IPO7: variants seen among roughly 807,000 people sequenced by gnomAD.
The protein encoded by IPO7 is importin 7.
A neutral mutation model predicts 136.4 loss-of-function variants in IPO7; 13 were observed. The observed-to-expected ratio is 0.10, with a 90% CI of 0.06 to 0.15. The LOEUF is 0.15. Among genes scored for constraint, IPO7 ranks in the 10% least tolerant of loss-of-function variants. The probability of loss-of-function intolerance (pLI) is 1.00; values close to 1 mark genes in which losing one functional copy is unlikely to be tolerated. For missense variants in IPO7, 857 were observed against 1,240.6 expected (o/e 0.69, Z 4.65); for synonymous variants, 403 against 404.4 (o/e 1.00, Z 0.04).
chr11:9,428,667 TTGTAA>T (rs1470789153), intron 13 of IPO7, 38 bp downstream of exon 13: 4 of 1,062,700 alleles, frequency 3.8e-6, no homozygotes, highest in Non-Finnish European at 5.8e-6. Context: ...TACTTTTGTC[TTGTAA>T]TGAATGACTC....
At chr11:9,426,648 A>G (rs1424633291) in intron 12 of IPO7, among the ~76,000 whole-genome samples, 2 of 152,150 alleles carry the variant, frequency 1.3e-5, no homozygotes, top group African/African-American at 4.8e-5. Context: ...GTGAAGCATT[A>G]TGTCTTTGTG....
In IPO7 at chr11:9,438,074, TTTTAG is replaced by T; in HGVS notation, c.2490-5_2490-1del. On this transcript the variant is annotated splice_acceptor_variant and splice_polypyrimidine_tract_variant and intron_variant, in intron 21 of 24. Transcript: ENST00000379719. LOFTEE classifies it high-confidence loss of function. ...TTTTTTTTTTTTTTTTTTTTTTTTT[TTTTAG>T]GCTTCATGACAGAAAGATGTGTGTT... 1.5e-6 allele frequency: 2 copies of T among 1,297,400 alleles called. No homozygotes were observed. The highest frequency in any genetic ancestry group is 2.1e-6 in the Non-Finnish European group (2 of 942,148). The allele number at this position is 1,297,400 out of a possible 1,614,324, so 80.4% of individuals were successfully genotyped here.
chr11:9,419,784 C>G (rs1855101473), intron 6 of IPO7, among the ~76,000 whole-genome samples: 1 of 151,746 alleles, frequency 6.6e-6, no homozygotes, highest in African/African-American at 2.4e-5. Flanking sequence ...ACTTATATAT[C>G]TGAAACTAGA....
At chr11:9,441,877 G>A (rs183785891) in intron 23 of IPO7, among the ~76,000 whole-genome samples, 2 of 152,238 alleles carry the variant, frequency 1.3e-5, no homozygotes, top group African/African-American at 4.8e-5. Flanking sequence ...AGAGTTTTTG[G>A]AGCCATAAAG....
chr11:9,407,293 C>T (rs554129823), intron 2 of IPO7, among the ~76,000 whole-genome samples: 10 of 152,318 alleles, frequency 6.6e-5, no homozygotes, highest in South Asian at 2.1e-4. Context: ...CCTTGGCTCA[C>T]GCCTATAATC....
intron 24 of IPO7, among the ~76,000 whole-genome samples, chr11:9,443,603 A>AT (rs1237760291): frequency 6.7e-6 from 1 of 149,634 alleles, no homozygotes; most frequent in Non-Finnish European, 1.5e-5. Flanking sequence ...AAAAAAAAAA[A>AT]AAAAAATTTA....
rs932564023 is a variant in IPO7 at position 9,403,339 on chromosome 11, C to T, written c.134C>T (p.Ser45Leu). The change falls in exon 2 of 25, where the codon TCG (serine) becomes TTG (leucine). Residue 45 changes from serine to leucine, a missense_variant. Ser to Leu is a moderately radical substitution (Grantham distance 145). Coordinates refer to ENST00000379719, the MANE Select transcript of IPO7 (RefSeq NM_006391.3). ...TCAACACTGCTCCAGATTACTATGTCGGAACAGCTGGATTTACCTGTGAGA... is the reference window on the plus strand; with the variant it reads ...TCAACACTGCTCCAGATTACTATGTTGGAACAGCTGGATTTACCTGTGAGA... ...FVSTLLQITM[S>L]EQLDLPVRQA... The T allele has an allele frequency of 6.2e-7, 1 of 1,613,618 alleles. No individual in the cohort carries two copies.
chr11:9,428,819 G>A, intron 13 of IPO7, 190 bp downstream of exon 13: 1 of 783,664 alleles, frequency 1.3e-6, no homozygotes, highest in Non-Finnish European at 2.4e-6. Flanking sequence ...AGCAGTGTCT[G>A]TCTGTGTTTT....
chr11:9,428,147 C>G (rs1452126389), intron 12 of IPO7, among the ~76,000 whole-genome samples: 1 of 151,972 alleles, frequency 6.6e-6, no homozygotes, highest in East Asian at 1.9e-4. Context: ...AAAGAGTGTG[C>G]CTTTTTAGAT....
At chr11:9,435,539 A>G (rs992574040) in intron 19 of IPO7, among the ~76,000 whole-genome samples, 2 of 152,234 alleles carry the variant, frequency 1.3e-5, no homozygotes, top group African/African-American at 2.4e-5. Flanking sequence ...GATTTGCTCC[A>G]TGAAGTTTTT....
chr11:9,429,869 T>A (rs775684555), intron 15 of IPO7, 35 bp downstream of exon 15: 1 of 1,497,010 alleles, frequency 6.7e-7, no homozygotes, highest in Admixed American at 2.1e-5. Context: ...TTGCAAGCAT[T>A]TTAATGTAGC....
chr11:9,446,680 A>G lies in IPO7; in HGVS notation c.*1486A>G, dbSNP rs1379518328. The G allele has an allele frequency of 6.6e-6, 1 of 152,224 alleles. No homozygotes were observed. Among genetic ancestry groups the G allele is most frequent in the Non-Finnish European group, 1.5e-5 (1 of 68,036 alleles). 9.4% of individuals were successfully genotyped at this position (152,224 alleles called of 1,614,324 possible). ...ACTATTACAAGCTGTTGTCTAAAAC[A>G]GGTGAGAAAAAAATTTATAACTGTA... On this transcript the variant is annotated 3_prime_UTR_variant, in exon 25 of 25. Coordinates refer to ENST00000379719, the MANE Select transcript of IPO7 (RefSeq NM_006391.3).
At chr11:9,443,464 G>A (rs11042355) in intron 24 of IPO7, among the ~76,000 whole-genome samples, 52,875 of 150,980 alleles carry the variant, frequency 0.35, 9,962 homozygotes, top group Non-Finnish European at 0.43. Flanking sequence ...TGGTAGGCAT[G>A]CCTGTAATCC....
chr11:9,397,652 T>C (rs1328239394), intron 1 of IPO7, among the ~76,000 whole-genome samples: 1 of 151,828 alleles, frequency 6.6e-6, no homozygotes, highest in African/African-American at 2.4e-5. Flanking sequence ...TCAAGAGAGA[T>C]TGTATACGCA....
intron 16 of IPO7, among the ~76,000 whole-genome samples, chr11:9,432,557 A>G (rs1052922379): frequency 4.6e-5 from 7 of 152,136 alleles, no homozygotes; most frequent in Non-Finnish European, 5.9e-5. Context: ...GCCATGACCA[A>G]TCCTATAGGT....
intron 4 of IPO7, among the ~76,000 whole-genome samples, chr11:9,413,077 A>G (rs1402818275): frequency 6.6e-6 from 1 of 151,900 alleles, no homozygotes; most frequent in Non-Finnish European, 1.5e-5. Flanking sequence ...ACGGGGTTTC[A>G]CCGTGTTAGC....
chr11:9,446,214 C>A lies in IPO7; in HGVS notation c.*1020C>A, dbSNP rs1334845581. On this transcript the variant is annotated 3_prime_UTR_variant, in exon 25 of 25. Coordinates refer to ENST00000379719, the MANE Select transcript of IPO7 (RefSeq NM_006391.3). The stretch of plus-strand genomic sequence containing the variant: ...CTATATATGCAATCTATTAAAAGAA[C>A]TTAATTCGGCTATTATGTCTTGATT... 2.6e-5 allele frequency: 4 copies of A among 152,188 alleles called. No homozygotes were observed. Among genetic ancestry groups the A allele is most frequent in the Admixed American group, 2.6e-4 (4 of 15,286 alleles). 9.4% of individuals were successfully genotyped at this position (152,188 alleles called of 1,614,324 possible). A position where few individuals can be genotyped will look rare whatever the true frequency, so the allele number is the denominator to read the frequency against.
Position 9,440,549 on chromosome 11 carries a change from A to C in IPO7, c.2790A>C (p.Glu930Asp). Residue 930 changes from glutamate to aspartate, a missense_variant, in exon 23 of 25, where the codon GAA becomes GAC. Around this residue, in one of 11 missense-constraint regions of IPO7, gnomAD observed 119 missense variants for 155.5 expected, o/e 0.77. Coordinates refer to ENST00000379719, the MANE Select transcript of IPO7 (RefSeq NM_006391.3). ...AKQAGEDGDD[E>D]DWEEDDAEET... is the part of the protein sequence containing the mutation. ...AGGCTGGTGAAGATGGAGATGATGA[A>C]GATTGGGAAGAAGATGATGCTGAAG... 3.7e-6 allele frequency: 6 copies of C among 1,614,016 alleles called. No homozygotes were observed. Among genetic ancestry groups the C allele is most frequent in the Non-Finnish European group, 5.1e-6 (6 of 1,179,898 alleles).
chr11:9,415,942 C>T (rs1023339700), intron 5 of IPO7, among the ~76,000 whole-genome samples: 6 of 152,170 alleles, frequency 3.9e-5, no homozygotes, highest in African/African-American at 1.2e-4. Flanking sequence ...AATTCTGGTT[C>T]TTTTTGTTGT....
Sources: gnomAD v4.1 joint callset for allele counts (sites outside exome capture counted in the v4.1 genomes callset) on GRCh38, gnomAD v4.1.1 for gene constraint, gnomAD v4.1.1 regional missense constraint, MANE v1.5 for transcripts, NCBI Gene and HGNC (gene_info 2026-07-23, HGNC 2026-07-21) for gene names.